The following DNM2 variants were observed in gnomAD, a reference collection of about 807,000 sequenced individuals.
The protein encoded by DNM2 is dynamin 2.
In DNM2, 15 loss-of-function variants were observed where a neutral mutation model predicts 99.0. That is an observed-to-expected ratio of 0.15 (90% confidence interval 0.10 to 0.23). The LOEUF (loss-of-function observed/expected upper bound fraction) is 0.23. Ranked by LOEUF, DNM2 falls within the 10% of genes least tolerant of loss-of-function variation. DNM2 has a pLI of 1.00. For missense variants in DNM2, 742 were observed against 1,189.4 expected, an observed-to-expected ratio of 0.62 and a Z score of 5.53; for synonymous variants, 525 against 481.2, an observed-to-expected ratio of 1.09 and a Z score of -1.19.
rs371180229 is a variant in DNM2, at chr19:10,721,701, G to A, written c.161+3298G>A. Among the ~76,000 whole-genome samples the A allele has an allele frequency of 9.4e-4, 143 of 152,236 alleles. 2 individuals are homozygous for A. Among genetic ancestry groups the A allele is most frequent in the Middle Eastern group, 3.4e-3 (1 of 294 alleles). The stretch of plus-strand genomic sequence containing the variant: ...TAGGATTACAGGTGTGAGCCATTGC[G>A]CCGAGCCTGGATTTTCTAAGGATGT... On this transcript the variant is annotated intron_variant, in intron 1 of 20. Transcript: ENST00000389253.
rs987593024 is a variant in DNM2, at chr19:10,830,174, G to A, written c.2339G>A (p.Arg780Gln). 2.5e-6 allele frequency: 4 copies of A among 1,613,464 alleles called. No individual in the cohort carries two copies. The highest frequency in any genetic ancestry group is 2.5e-6 in the Non-Finnish European group (3 of 1,179,664). The part of the protein sequence containing the change: ...RPVSSIHPPG[R>Q]PPAVRGPTPG... ...GTGTCCAGCATACACCCCCCTGGCC[G>A]GCCCCCAGCAGTGAGGGGCCCCACT... The change falls in exon 20 of 21, where the codon CGG (arginine) becomes CAG (glutamine). Residue 780 changes from arginine (R) to glutamine (Q), a missense_variant. Physicochemically the swap from Arg to Gln is conservative, Grantham distance 43 (BLOSUM62 1). Transcript: ENST00000389253. The surrounding 1 kb of genome is among the most constrained non-coding windows in gnomAD (Gnocchi z 4.8).
rs536744211 is a variant in DNM2 at position 10,764,305 on chromosome 19, G to T, written c.235+4494G>T. Reference sequence around the variant, plus strand: ...GGCACCCCATTGGCTGTGGTATGCTGTCTCTTCCTGTGGGGTCTGATGTCC... The same window carrying T: ...GGCACCCCATTGGCTGTGGTATGCTTTCTCTTCCTGTGGGGTCTGATGTCC... On this transcript the variant is annotated intron_variant, in intron 2 of 20. Coordinates refer to ENST00000389253, the MANE Select transcript of DNM2 (RefSeq NM_001005361.3). This position sits in a 1 kb window ranked among gnomAD's most constrained non-coding sequence, Gnocchi z 4.1. Among the ~76,000 whole-genome samples the T allele has an allele frequency of 6.6e-6, 1 of 152,212 alleles. No individual in the cohort carries two copies. Among genetic ancestry groups the T allele is most frequent in the African/African-American group, 2.4e-5 (1 of 41,440 alleles).
At chr19:10,791,805 G>T (rs1179841135) in intron 7 of DNM2, among the ~76,000 whole-genome samples, 1 of 152,150 alleles carries the variant, frequency 6.6e-6, no homozygotes, top group Non-Finnish European at 1.5e-5. Flanking sequence ...TCCATTCCAG[G>T]CTGGGTGCAG....
chr19:10,774,441 T>A (rs577416030), intron 3 of DNM2, among the ~76,000 whole-genome samples: 1 of 152,398 alleles, frequency 6.6e-6, no homozygotes, highest in East Asian at 1.9e-4. Flanking sequence ...TTATGCTTTT[T>A]TTGAGATGGA....
intron 3 of DNM2, among the ~76,000 whole-genome samples, chr19:10,774,343 G>A (rs759887282): frequency 2.6e-4 from 39 of 152,176 alleles, no homozygotes; most frequent in Non-Finnish European, 5.9e-5. Flanking sequence ...CAAAAAACAT[G>A]TAAGCAATTG....
rs1326738109 is a variant in DNM2, at chr19:10,816,332, G to A, written c.1672-3648G>A. On this transcript the variant is annotated intron_variant, in intron 15 of 20. Coordinates refer to ENST00000389253, the MANE Select transcript of DNM2 (RefSeq NM_001005361.3). The surrounding 1 kb of genome is among the most constrained non-coding windows in gnomAD (Gnocchi z 4.6). ...GTTCCTGAAACCTCAGGAGCCCTGAGGCTTCTGCGGGACTCTGGGGCGCTG... is the reference window on the plus strand; with the variant it reads ...GTTCCTGAAACCTCAGGAGCCCTGAAGCTTCTGCGGGACTCTGGGGCGCTG... Among the ~76,000 whole-genome samples, 1 of 152,158 alleles carries A rather than the reference G, an allele frequency of 6.6e-6. No homozygotes were observed. The highest frequency in any genetic ancestry group is 1.9e-4 in the East Asian group (1 of 5,178).
chr19:10,732,121 A>C (rs1568267314), intron 1 of DNM2, among the ~76,000 whole-genome samples: 1 of 151,034 alleles, frequency 6.6e-6, no homozygotes, highest in East Asian at 2.0e-4. Context: ...CACCCGGCTA[A>C]TTTTTTGTAT....
intron 1 of DNM2, among the ~76,000 whole-genome samples, chr19:10,744,479 G>C (rs936104181): frequency 3.9e-5 from 6 of 152,140 alleles, no homozygotes; most frequent in Admixed American, 3.9e-4. Context: ...TCTCGGGGTG[G>C]AGGGAACTAG....
In DNM2 at chr19:10,831,080, C is replaced by T; in HGVS notation, c.*33C>T. On this transcript the variant is annotated 3_prime_UTR_variant, in exon 21 of 21. Transcript: ENST00000389253. The surrounding 1 kb of genome is among the most constrained non-coding windows in gnomAD (Gnocchi z 4.3). ...GGGGGGCGTGCTCTCGGGGGGGCCT[C>T]ACGCACCCGCGGCGCAGGAGCTTCA... 3 of 1,572,896 alleles carry T rather than the reference C, an allele frequency of 1.9e-6. No homozygotes were observed. Among genetic ancestry groups the T allele is most frequent in the East Asian group, 2.3e-5 (1 of 43,160 alleles).
Position 10,795,776 on chromosome 19 carries a change from G to A in DNM2, c.1196+337G>A. 1.7e-6 allele frequency: 1 copy of A among 589,454 alleles called. No homozygotes were observed. The highest frequency in any genetic ancestry group is 2.0e-5 in the South Asian group (1 of 50,672). The allele number at this position is 589,454 out of a possible 1,614,324, so 36.5% of individuals were successfully genotyped here. A position where few individuals can be genotyped will look rare whatever the true frequency, so the allele number is the denominator to read the frequency against. The stretch of plus-strand genomic sequence containing the variant: ...GAGGGGCGGGGCGGCACTGAATCAG[G>A]GTTTTGGGAAGCCAGCATGAGTCCC... On this transcript the variant is annotated intron_variant, in intron 9 of 20. Coordinates refer to ENST00000389253, the MANE Select transcript of DNM2 (RefSeq NM_001005361.3). This position sits in a 1 kb window ranked among gnomAD's most constrained non-coding sequence, Gnocchi z 4.2.
At chr19:10,774,982 G>C (rs2071105422) in intron 3 of DNM2, among the ~76,000 whole-genome samples, 1 of 151,860 alleles carries the variant, frequency 6.6e-6, no homozygotes. Flanking sequence ...TCTTGCCCAG[G>C]CTGGTTTCGA....
At chr19:10,799,136 A>G (rs2072041546) in intron 11 of DNM2, among the ~76,000 whole-genome samples, 1 of 152,290 alleles carries the variant, frequency 6.6e-6, no homozygotes, top group Middle Eastern at 3.4e-3. Context: ...GTGAGGTGGG[A>G]GGATCCCTTG....
Position 10,765,524 on chromosome 19 carries a change from C to T in DNM2, c.235+5713C>T, listed in dbSNP as rs933005473. On this transcript the variant is annotated intron_variant, in intron 2 of 20. Transcript: ENST00000389253. The surrounding 1 kb of genome is among the most constrained non-coding windows in gnomAD (Gnocchi z 4.4). ...GTATCTAGAGAGCAGACCAAGCTGG[C>T]GTGCGTCAGGCTGTGGGCTGGCTGG... Among the ~76,000 whole-genome samples, 4 of 152,218 alleles carry T rather than the reference C, an allele frequency of 2.6e-5. No individual in the cohort carries two copies. Among genetic ancestry groups the T allele is most frequent in the Admixed American group, 6.5e-5 (1 of 15,282 alleles).
At chr19:10,734,533 G>A (rs2069451056) in intron 1 of DNM2, among the ~76,000 whole-genome samples, 1 of 150,264 alleles carries the variant, frequency 6.7e-6, no homozygotes, top group Admixed American at 6.7e-5. Flanking sequence ...CAGCTCCTCT[G>A]GAGGCTGAGA....
rs1416582417 is a variant in DNM2, at chr19:10,831,354, G to C, written c.*307G>C. 8.6e-7 allele frequency: 1 copy of C among 1,157,594 alleles called. No individual in the cohort carries two copies. Among genetic ancestry groups the C allele is most frequent in the Non-Finnish European group, 1.1e-6 (1 of 939,116 alleles). 71.7% of individuals were successfully genotyped at this position (1,157,594 alleles called of 1,614,324 possible). Reference sequence around the variant, plus strand: ...CATCCTGAATGAGGGGTCCAGCCTGGGGGGGACTCTACCAAGGTCTTCTTG... The same window carrying C: ...CATCCTGAATGAGGGGTCCAGCCTGCGGGGGACTCTACCAAGGTCTTCTTG... On this transcript the variant is annotated 3_prime_UTR_variant, in exon 21 of 21. Coordinates refer to ENST00000389253, the MANE Select transcript of DNM2 (RefSeq NM_001005361.3). This position sits in a 1 kb window ranked among gnomAD's most constrained non-coding sequence, Gnocchi z 4.3.
intron 18 of DNM2, among the ~76,000 whole-genome samples, chr19:10,825,692 GAA>G (rs1048943389): frequency 1.2e-4 from 18 of 147,994 alleles, no homozygotes; most frequent in East Asian, 8.3e-4. Context: ...GAGAGAGAGA[GAA>G]AAATACAAAA....
chr19:10,726,578 G>A lies in DNM2; in HGVS notation c.161+8175G>A, dbSNP rs115968940. 3.3e-3 allele frequency among the ~76,000 whole-genome samples: 509 copies of A among 152,254 alleles called. 4 individuals carry two copies. The highest frequency in any genetic ancestry group is 0.012 in the African/African-American group (487 of 41,540). ...GCTGCAAACAAGTAATTGGCCGTGA[G>A]AGTTATTTACACACATTTTGTGTAC... On this transcript the variant is annotated intron_variant, in intron 1 of 20. Transcript: ENST00000389253.
chr19:10,820,029 A>C lies in DNM2; in HGVS notation c.1721A>C (p.Asp574Ala), dbSNP rs1300578677. Residue 574 changes from aspartate to alanine, a missense_variant, in exon 16 of 21, where the codon GAT becomes GCT. By Grantham distance (126) the Asp-to-Ala change is moderately radical. This residue lies in a region of DNM2 where 240 missense variants were observed against 431.3 expected (regional missense o/e 0.56). Coordinates refer to ENST00000389253, the MANE Select transcript of DNM2 (RefSeq NM_001005361.3). The surrounding 1 kb of genome is among the most constrained non-coding windows in gnomAD (Gnocchi z 4.3). ...CCTCTGGACAACCTCAAGATCCGTG[A>C]TGTGGAGAAGGGCTTCATGTCCAAC... ...MLPLDNLKIR[D>A]VEKGFMSNKH... 4 of 1,614,158 alleles carry C rather than the reference A, an allele frequency of 2.5e-6. No individual in the cohort carries two copies. The highest frequency in any genetic ancestry group is 3.4e-6 in the Non-Finnish European group (4 of 1,180,024).
At chr19:10,827,969 T>G (rs1420282820) in intron 18 of DNM2, among the ~76,000 whole-genome samples, 1 of 152,026 alleles carries the variant, frequency 6.6e-6, no homozygotes, top group Non-Finnish European at 1.5e-5. Context: ...TAGTAGTGTT[T>G]GAACAGAAGC....
Sources: allele counts gnomAD v4.1 joint callset (sites outside exome capture counted in the v4.1 genomes callset), GRCh38; gene constraint gnomAD v4.1.1; regional missense constraint gnomAD v4.1.1; non-coding constraint Gnocchi (gnomAD v3.1); transcripts MANE v1.5; gene names NCBI Gene and HGNC (gene_info 2026-07-23, HGNC 2026-07-21).